Variants in XKR6 observed in about 807,000 individuals in gnomAD.
XKR6 encodes the protein XK related 6.
Under a neutral mutation model 56.7 loss-of-function variants are expected in XKR6, and 22 were observed. The observed-to-expected ratio is 0.39, with a 90% CI of 0.28 to 0.55. The LOEUF (loss-of-function observed/expected upper bound fraction) is 0.55, where lower values mean the gene tolerates loss of function less well. Ranked by LOEUF, XKR6 falls within the 20% of genes least tolerant of loss-of-function variation. XKR6 has a pLI of 0.66. For synonymous variants in XKR6, 524 were observed against 387.8 expected (o/e 1.35, Z -4.13); for missense variants, 852 against 889.0 (o/e 0.96, Z 0.53).
intron 1 of XKR6, among the ~76,000 whole-genome samples, chr8:11,162,474 C>A (rs1801861028): frequency 6.6e-6 from 1 of 152,094 alleles, no homozygotes; most frequent in Non-Finnish European, 1.5e-5. Flanking sequence ...AACAAAAAAA[C>A]AAACAAAAAA....
intron 1 of XKR6, among the ~76,000 whole-genome samples, chr8:11,192,746 G>C (rs1348008881): frequency 6.6e-6 from 1 of 152,176 alleles, no homozygotes; most frequent in Non-Finnish European, 1.5e-5. Context: ...CCAACTCCCT[G>C]AGGCTCTGAT....
intron 1 of XKR6, among the ~76,000 whole-genome samples, chr8:10,935,980 G>A (rs2129121856): frequency 6.7e-6 from 1 of 150,106 alleles, no homozygotes; most frequent in Admixed American, 6.6e-5. Context: ...TCGTTGATCT[G>A]TCTAATGTTG....
At position 10,897,755 on chromosome 8, in the gene XKR6, G is replaced by T. The variant is rs200966191; in HGVS notation, c.*197C>A. 237 of 566,136 alleles carry T rather than the reference G, an allele frequency of 4.2e-4. 2 individuals are homozygous for T. In the East Asian group the frequency reaches 7.2e-3, roughly 17 times the overall value. The allele number at this position is 566,136 out of a possible 1,614,324, so 35.1% of individuals were successfully genotyped here. On this transcript the variant is annotated 3_prime_UTR_variant, in exon 3 of 3. Coordinates refer to ENST00000416569, the MANE Select transcript of XKR6 (RefSeq NM_173683.4). ...GAGAATATCTTTGTATACATACAGCGACTGGAAAGAAAGCTTATTTGAAGG... is the reference window on the plus strand; with the variant it reads ...GAGAATATCTTTGTATACATACAGCTACTGGAAAGAAAGCTTATTTGAAGG...
At chr8:10,916,572 C>G (rs992638646) in intron 2 of XKR6, among the ~76,000 whole-genome samples, 1 of 152,192 alleles carries the variant, frequency 6.6e-6, no homozygotes, top group Admixed American at 6.5e-5. Context: ...TCCAACTGAT[C>G]CAACCGCTAA....
Position 10,897,139 on chromosome 8 carries a change from G to A in XKR6, c.*813C>T, listed in dbSNP as rs1799905276. The A allele has an allele frequency of 6.6e-6, 1 of 152,590 alleles. No homozygotes were observed. Among genetic ancestry groups the A allele is most frequent in the East Asian group, 1.9e-4 (1 of 5,200 alleles). The allele number at this position is 152,590 out of a possible 1,614,324, so 9.5% of individuals were successfully genotyped here. On this transcript the variant is annotated 3_prime_UTR_variant, in exon 3 of 3. Transcript: ENST00000416569. ...TTCTTGCTAGGCAAATGCTAAAATG[G>A]CACATAATCAGCCTTCAAGTAGCTT... is the stretch of plus-strand genomic sequence containing the variant.
At chr8:11,076,485 T>C (rs760998179) in intron 1 of XKR6, among the ~76,000 whole-genome samples, 1 of 152,174 alleles carries the variant, frequency 6.6e-6, no homozygotes, top group Admixed American at 6.5e-5. Flanking sequence ...AGTGACGCCA[T>C]GAGGCACTAG....
chr8:10,927,624 C>T (rs1800930775), intron 1 of XKR6, among the ~76,000 whole-genome samples: 1 of 152,250 alleles, frequency 6.6e-6, no homozygotes, highest in African/African-American at 2.4e-5. Flanking sequence ...CCAGTTCTAC[C>T]CTTCCACGCC....
At chr8:11,184,872 G>A (rs1478203185) in intron 1 of XKR6, among the ~76,000 whole-genome samples, 1 of 151,784 alleles carries the variant, frequency 6.6e-6, no homozygotes, top group Admixed American at 6.6e-5. Flanking sequence ...CATCCCCAGG[G>A]GTTACTAACA....
intron 1 of XKR6, among the ~76,000 whole-genome samples, chr8:10,926,026 C>G (rs1800871162): frequency 6.6e-6 from 1 of 152,152 alleles, no homozygotes; most frequent in African/African-American, 2.4e-5. Context: ...GGGAGAGAAC[C>G]ACATGCCTGT....
intron 1 of XKR6, among the ~76,000 whole-genome samples, chr8:11,132,600 G>A (rs146593080): frequency 0.051 from 7,814 of 151,880 alleles, 237 homozygotes; most frequent in African/African-American, 0.074. Flanking sequence ...GGCCTCAAGT[G>A]ATCCACCCAC....
rs545449768 is a variant in XKR6 at position 11,055,206 on chromosome 8, A to G, written c.765-130376T>C. ...GGGCTCAACTCTGATGACAACAAAG[A>G]AAGTAGAGATTCACAGCCCAGAAGC... On this transcript the variant is annotated intron_variant, in intron 1 of 2. Transcript: ENST00000416569. 1.6e-3 allele frequency among the ~76,000 whole-genome samples: 248 copies of G among 152,308 alleles called. 1 individual carries two copies. Among genetic ancestry groups the G allele is most frequent in the Admixed American group, 4.5e-3 (69 of 15,310 alleles).
intron 2 of XKR6, 120 bp from the exon 3 acceptor site, chr8:10,899,036 A>C: frequency 7.0e-7 from 1 of 1,437,730 alleles, no homozygotes; most frequent in Non-Finnish European, 9.3e-7. Flanking sequence ...AGGGAGAAAG[A>C]AACACAGAAT....
In XKR6 at chr8:11,130,168, T is replaced by C. The variant is rs1800032089; in HGVS notation, c.764+70408A>G. Reference sequence around the variant, plus strand: ...GGCATTTAAGGAAATAACACTATTTTGTGGCTGGTTGTGTGTATGTGTGTA... The same window carrying C: ...GGCATTTAAGGAAATAACACTATTTCGTGGCTGGTTGTGTGTATGTGTGTA... On this transcript the variant is annotated intron_variant, in intron 1 of 2. Transcript: ENST00000416569. Among the ~76,000 whole-genome samples the C allele has an allele frequency of 3.3e-5, 5 of 152,248 alleles. No homozygotes were observed. In the South Asian group the frequency reaches 1.0e-3, roughly 32 times the overall value.
At chr8:11,194,620 G>A (rs1302670863) in intron 1 of XKR6, 2 of 152,570 alleles carry the variant, frequency 1.3e-5, no homozygotes, top group Admixed American at 1.3e-4. Context: ...TCATCCTGGG[G>A]TGAAAATGGC....
At chr8:10,912,441 G>A (rs1475837570) in intron 2 of XKR6, among the ~76,000 whole-genome samples, 1 of 105,220 alleles carries the variant, frequency 9.5e-6, no homozygotes, top group Non-Finnish European at 1.9e-5. Context: ...GAGACGATAG[G>A]TGAGTGTATA....
intron 1 of XKR6, among the ~76,000 whole-genome samples, chr8:11,082,268 G>A (rs1797750364): frequency 6.6e-6 from 1 of 152,226 alleles, no homozygotes; most frequent in Non-Finnish European, 1.5e-5. Flanking sequence ...CCAGGAGTCT[G>A]GAACATCTCC....
chr8:11,154,065 G>C (rs1287564478), intron 1 of XKR6, among the ~76,000 whole-genome samples: 1 of 152,194 alleles, frequency 6.6e-6, no homozygotes, highest in Non-Finnish European at 1.5e-5. Flanking sequence ...GAGACATCTG[G>C]CCTTTGCCCT....
intron 1 of XKR6, among the ~76,000 whole-genome samples, chr8:11,199,068 G>C (rs1195144159): frequency 1.3e-5 from 2 of 152,172 alleles, no homozygotes; most frequent in Non-Finnish European, 2.9e-5. Context: ...ACAGCTAAAA[G>C]TTAATCGGCA....
intron 1 of XKR6, among the ~76,000 whole-genome samples, chr8:11,050,014 C>T (rs752872284): frequency 2.0e-5 from 3 of 152,176 alleles, no homozygotes; most frequent in African/African-American, 7.2e-5. Flanking sequence ...ACAGAGATCT[C>T]GCATTTCCAC....
Sources: gnomAD v4.1 joint callset for allele counts (sites outside exome capture counted in the v4.1 genomes callset) on GRCh38, gnomAD v4.1.1 for gene constraint, MANE v1.5 for transcripts, NCBI Gene and HGNC (gene_info 2026-07-23, HGNC 2026-07-21) for gene names.